The following CCDC148 variants were observed in gnomAD, a reference collection of about 807,000 sequenced individuals.
The protein encoded by CCDC148 is coiled-coil domain-containing protein 148.
Under a neutral mutation model 85.7 loss-of-function variants are expected in CCDC148, and 89 were observed. The observed-to-expected ratio is 1.04, with a 90% CI of 0.87 to 1.24. The LOEUF is 1.24. Among genes scored for constraint, CCDC148 ranks in the 50% most tolerant of loss-of-function variants. The probability of loss-of-function intolerance (pLI) is 0.00; values close to 1 mark genes in which losing one functional copy is unlikely to be tolerated. For synonymous variants in CCDC148, 230 were observed against 213.9 expected, an observed-to-expected ratio of 1.08 and a Z score of -0.66; for missense variants, 692 against 671.7, an observed-to-expected ratio of 1.03 and a Z score of -0.33.
At chr2:158,436,802 C>T (rs912001937) in intron 1 of CCDC148, among the ~76,000 whole-genome samples, 20 of 152,296 alleles carry the variant, frequency 1.3e-4, no homozygotes, top group Non-Finnish European at 2.4e-4. Context: ...GATATCACCA[C>T]TGATCCCACA....
At chr2:158,329,132 G>T (rs1219099516) in intron 7 of CCDC148, among the ~76,000 whole-genome samples, 5 of 152,132 alleles carry the variant, frequency 3.3e-5, no homozygotes, top group African/African-American at 9.7e-5. Flanking sequence ...TTCTTCTAGG[G>T]TTTTTATGGT....
chr2:158,352,745 G>C (rs1334552566), intron 2 of CCDC148, among the ~76,000 whole-genome samples: 1 of 151,410 alleles, frequency 6.6e-6, no homozygotes. Flanking sequence ...GATATTCCTC[G>C]AGAAGAGCAA....
intron 2 of CCDC148, among the ~76,000 whole-genome samples, chr2:158,348,927 G>A (rs192384124): frequency 1.9e-4 from 29 of 152,072 alleles, no homozygotes; most frequent in Non-Finnish European, 2.9e-5. Flanking sequence ...TTAAAATACT[G>A]GGAATGTACA....
chr2:158,452,932 T>C (rs1224075659), intron 1 of CCDC148, among the ~76,000 whole-genome samples: 2 of 152,250 alleles, frequency 1.3e-5, no homozygotes, highest in South Asian at 2.1e-4. Context: ...AATGTAACCC[T>C]TAACTTGCTT....
Position 158,375,106 on chromosome 2 carries a change from A to G in CCDC148, c.26-16536T>C, listed in dbSNP as rs553256667. On this transcript the variant is annotated intron_variant, in intron 1 of 13. Transcript: ENST00000283233. ...TTTCTATTGTAAAATTAATGCAACA[A>G]TATTAGAGTCTATAAAGATTACCAA... Among the ~76,000 whole-genome samples, 3 of 152,158 alleles carry G rather than the reference A, an allele frequency of 2.0e-5. No homozygotes were observed. In the South Asian group the frequency reaches 6.2e-4, roughly 32 times the overall value.
intron 9 of CCDC148, among the ~76,000 whole-genome samples, chr2:158,301,288 G>T (rs1285664085): frequency 1.3e-5 from 2 of 152,216 alleles, no homozygotes; most frequent in African/African-American, 4.8e-5. Flanking sequence ...TGATAGAAAA[G>T]AAGGGGCAGA....
At chr2:158,202,716 T>A (rs1252134241) in intron 11 of CCDC148, among the ~76,000 whole-genome samples, 1 of 152,258 alleles carries the variant, frequency 6.6e-6, no homozygotes, top group African/African-American at 2.4e-5. Context: ...GAAATTTTAA[T>A]TTCATATAAT....
intron 2 of CCDC148, among the ~76,000 whole-genome samples, chr2:158,355,131 G>C (rs1432423667): frequency 2.0e-5 from 3 of 151,212 alleles, no homozygotes; most frequent in Admixed American, 1.3e-4. Context: ...CATACTGAAT[G>C]GGCAAAAACT....
intron 9 of CCDC148, among the ~76,000 whole-genome samples, chr2:158,281,112 G>T (rs1690268822): frequency 6.6e-6 from 1 of 152,012 alleles, no homozygotes; most frequent in South Asian, 2.1e-4. Context: ...AGAATCTCTG[G>T]GACACATTCA....
chr2:158,224,533 A>AC (rs1687386308), intron 10 of CCDC148, among the ~76,000 whole-genome samples: 1 of 152,178 alleles, frequency 6.6e-6, no homozygotes, highest in Non-Finnish European at 1.5e-5. Flanking sequence ...CAAAGGTAAA[A>AC]ATGTTAAGGG....
At chr2:158,239,359 T>C (rs762197124) in intron 10 of CCDC148, among the ~76,000 whole-genome samples, 5 of 121,594 alleles carry the variant, frequency 4.1e-5, no homozygotes, top group African/African-American at 9.4e-5. Context: ...TGACAGAGGG[T>C]AGAAAGATTC....
chr2:158,401,402 G>A (rs1401545729), intron 1 of CCDC148, among the ~76,000 whole-genome samples: 1 of 152,142 alleles, frequency 6.6e-6, no homozygotes, highest in East Asian at 1.9e-4. Context: ...CCTTTGCAGG[G>A]ACATGGATGA....
intron 1 of CCDC148, among the ~76,000 whole-genome samples, chr2:158,418,986 A>C (rs952353615): frequency 6.6e-6 from 1 of 152,190 alleles, no homozygotes; most frequent in Non-Finnish European, 1.5e-5. Flanking sequence ...ATAGAAGCAG[A>C]AACTTGGCTT....
At chr2:158,421,949 T>C (rs1334974926) in intron 1 of CCDC148, among the ~76,000 whole-genome samples, 3 of 152,096 alleles carry the variant, frequency 2.0e-5, no homozygotes, top group Non-Finnish European at 4.4e-5. Flanking sequence ...CATCAGAGAA[T>C]ACTATAAACA....
rs181981773 is a variant in CCDC148 at position 158,444,995 on chromosome 2, G to A, written c.25+11420C>T. The stretch of plus-strand genomic sequence containing the variant: ...AAACTCTTAGATACAGAAGCCTTCC[G>A]TGTTTATGCACACTAGCACAGGAAC... On this transcript the variant is annotated intron_variant, in intron 1 of 13. Transcript: ENST00000283233. 1.7e-4 allele frequency among the ~76,000 whole-genome samples: 26 copies of A among 152,038 alleles called. 1 individual carries two copies. The highest frequency in any genetic ancestry group is 5.5e-4 in the African/African-American group (23 of 41,498).
intron 1 of CCDC148, among the ~76,000 whole-genome samples, chr2:158,437,718 T>C (rs1687728972): frequency 6.6e-6 from 1 of 152,172 alleles, no homozygotes; most frequent in African/African-American, 2.4e-5. Context: ...TAATTGTATA[T>C]CTAGAAAACC....
intron 1 of CCDC148, among the ~76,000 whole-genome samples, chr2:158,404,157 T>C (rs745771044): frequency 5.9e-5 from 9 of 152,132 alleles, no homozygotes; most frequent in Non-Finnish European, 1.3e-4. Context: ...ATTATTATCA[T>C]TGACAGATCT....
chr2:158,253,298 C>CT (rs1484605797), intron 9 of CCDC148, among the ~76,000 whole-genome samples: 1 of 151,704 alleles, frequency 6.6e-6, no homozygotes, highest in African/African-American at 2.4e-5. Context: ...AAATGCCCCC[C>CT]TTTGATGTAG....
chr2:158,347,159 C>A (rs1683034380), intron 2 of CCDC148, among the ~76,000 whole-genome samples: 1 of 152,108 alleles, frequency 6.6e-6, no homozygotes, highest in Non-Finnish European at 1.5e-5. Flanking sequence ...TACACAGTCT[C>A]TAAAGTTTGT....
Sources: allele counts gnomAD v4.1 joint callset (sites outside exome capture counted in the v4.1 genomes callset), GRCh38; gene constraint gnomAD v4.1.1; transcripts MANE v1.5; gene names NCBI Gene and HGNC (gene_info 2026-07-23, HGNC 2026-07-21).